DNAH12: variants seen among roughly 807,000 people sequenced by gnomAD.
The protein encoded by DNAH12 is axonemal beta dynein heavy chain 12.
In DNAH12, 285 loss-of-function variants were observed where a neutral mutation model predicts 371.5. The observed-to-expected ratio is 0.77, with a 90% CI of 0.70 to 0.85. The LOEUF is 0.85. Ranked by LOEUF, DNAH12 falls within the 40% of genes least tolerant of loss-of-function variation. The probability of loss-of-function intolerance (pLI) is 0.00; values close to 1 mark genes in which losing one functional copy is unlikely to be tolerated. For missense variants in DNAH12, 3,611 were observed against 3,689.4 expected (o/e 0.98, Z 0.55); for synonymous variants, 1,200 against 1,213.0 (o/e 0.99, Z 0.22).
At position 57,487,288 on chromosome 3, in the gene DNAH12, A is replaced by AAAGG. The variant is rs148766578; in HGVS notation, c.1514+2217_1514+2220dup. On this transcript the variant is annotated intron_variant, in intron 12 of 73. Coordinates refer to ENST00000495027, the MANE Select transcript of DNAH12 (RefSeq NM_001366028.2). ...TTGTCTCTAATAGAAAAGAAGGAAG[A>AAAGG]AAGGAAGGAAGGAAGGAAGGGAGAG... 5.4e-3 allele frequency among the ~76,000 whole-genome samples: 592 copies of AAAGG among 110,574 alleles called. 7 individuals are homozygous for AAAGG. The highest frequency in any genetic ancestry group is 7.2e-3 in the Non-Finnish European group (409 of 57,014). 72.5% of individuals were successfully genotyped at this position (110,574 alleles called of 152,430 possible).
At chr3:57,294,048 G>T in intron 73 of DNAH12, 77 bp from the exon 74 acceptor site, 1 of 1,239,528 alleles carries the variant, frequency 8.1e-7, no homozygotes, top group African/African-American at 1.5e-5. Flanking sequence ...TATTTATCTT[G>T]TAATAAAATG....
intron 65 of DNAH12, among the ~76,000 whole-genome samples, chr3:57,315,915 A>G (rs959370425): frequency 6.6e-6 from 1 of 152,170 alleles, no homozygotes; most frequent in Non-Finnish European, 1.5e-5. Context: ...AGAAAGATGC[A>G]TACTTGAGAT....
the DNAH12 span, among the ~76,000 whole-genome samples, chr3:57,555,920 G>A: frequency 6.6e-6 from 1 of 152,220 alleles, no homozygotes; most frequent in African/African-American, 2.4e-5. Flanking sequence ...CGCAATCCGG[G>A]TGGAGGCCTC....
chr3:57,526,320 G>A (rs988338053), intron 2 of DNAH12, among the ~76,000 whole-genome samples: 1 of 152,018 alleles, frequency 6.6e-6, no homozygotes, highest in African/African-American at 2.4e-5. Context: ...GCAAATGATA[G>A]GTTCTCATTC....
chr3:57,303,966 G>GGTCCATGCCTT (rs550466135), intron 69 of DNAH12, among the ~76,000 whole-genome samples: 2 of 152,058 alleles, frequency 1.3e-5, no homozygotes, highest in African/African-American at 4.8e-5. Context: ...GAAAATGGCT[G>GGTCCATGCCTT]GTCCATGCCT....
At chr3:57,504,943 A>G (rs892513078) in intron 8 of DNAH12, among the ~76,000 whole-genome samples, 7 of 149,478 alleles carry the variant, frequency 4.7e-5, no homozygotes, top group Non-Finnish European at 1.0e-4. Context: ...GTTGGAGTGC[A>G]GTGGCAAGAC....
chr3:57,455,116 A>T (rs1002141076), intron 22 of DNAH12, among the ~76,000 whole-genome samples: 1 of 152,044 alleles, frequency 6.6e-6, no homozygotes, highest in Admixed American at 6.6e-5. Flanking sequence ...AAACACCAAC[A>T]TGTTAATAAT....
chr3:57,495,766 AT>A (rs1441366224), intron 11 of DNAH12, among the ~76,000 whole-genome samples: 1 of 143,516 alleles, frequency 7.0e-6, no homozygotes, highest in African/African-American at 2.6e-5. Context: ...TTTATATATT[AT>A]TTTATATATT....
intron 45 of DNAH12, among the ~76,000 whole-genome samples, chr3:57,387,532 C>G (rs2063520681): frequency 6.6e-6 from 1 of 152,124 alleles, no homozygotes; most frequent in East Asian, 1.9e-4. Flanking sequence ...CTAAATTTAT[C>G]ATGACAGTGG....
At chr3:57,430,054 C>T (rs530963896) in intron 32 of DNAH12, among the ~76,000 whole-genome samples, 1 of 152,108 alleles carries the variant, frequency 6.6e-6, no homozygotes, top group Middle Eastern at 3.4e-3. Context: ...AGTCCAAAAC[C>T]TATAAAATCC....
Position 57,418,746 on chromosome 3 carries a change from C to CA in DNAH12, c.5714+620dup, listed in dbSNP as rs555229139. Among the ~76,000 whole-genome samples the CA allele has an allele frequency of 4.1e-4, 62 of 151,576 alleles. No individual in the cohort carries two copies. In the South Asian group the frequency reaches 0.012, roughly 30 times the overall value. On this transcript the variant is annotated intron_variant, in intron 37 of 73. Coordinates refer to ENST00000495027, the MANE Select transcript of DNAH12 (RefSeq NM_001366028.2). ...ATGCATTCAGGAACAGCTTCTTTAT[C>CA]AAAAAAATGACATTTATGATTATAT... is the stretch of plus-strand genomic sequence containing the variant.
chr3:57,539,100 G>A (rs1018957235), intron 2 of DNAH12, among the ~76,000 whole-genome samples: 1 of 152,108 alleles, frequency 6.6e-6, no homozygotes, highest in Non-Finnish European at 1.5e-5. Context: ...ACCACCATAA[G>A]TTCTCATCTA....
chr3:57,537,066 C>T (rs1318178930), intron 2 of DNAH12, among the ~76,000 whole-genome samples: 1 of 132,092 alleles, frequency 7.6e-6, no homozygotes, highest in Non-Finnish European at 1.7e-5. Context: ...TGGTGGCGCA[C>T]ACCTGTAGTC....
chr3:57,458,800 T>C (rs1242844552), intron 20 of DNAH12, among the ~76,000 whole-genome samples: 1 of 152,184 alleles, frequency 6.6e-6, no homozygotes, highest in African/African-American at 2.4e-5. Flanking sequence ...GACAACAGAA[T>C]TGAGTAGCTG....
intron 58 of DNAH12, among the ~76,000 whole-genome samples, chr3:57,359,287 C>T (rs1018318309): frequency 7.9e-5 from 12 of 151,640 alleles, no homozygotes; most frequent in Non-Finnish European, 1.3e-4. Flanking sequence ...GGGCTGGGCA[C>T]GGTGGCTCAC....
Position 57,357,302 on chromosome 3 carries a change from T to C in DNAH12, c.9407A>G (p.Tyr3136Cys), listed in dbSNP as rs1207280588. The C allele has an allele frequency of 2.0e-5, 3 of 152,318 alleles. No homozygotes were observed. The highest frequency in any genetic ancestry group is 4.1e-4 in the South Asian group (2 of 4,828). 9.4% of individuals were successfully genotyped at this position (152,318 alleles called of 1,614,324 possible). The change falls in exon 59 of 74, where the codon TAT becomes TGT. Residue 3136 changes from tyrosine (Y) to cysteine (C), a missense_variant. Around this residue, in one of 3 missense-constraint regions of DNAH12, gnomAD observed 2,266 missense variants for 2,236.9 expected, o/e 1.01. Transcript: ENST00000495027. ...TGACGAGTGTTTGGCGATGGGTCTA[T>C]AGCCTTCTCGAGACTCTGCTATTTT... ...ELKIAESREG[Y>C]RPIAKHSSVL...
At chr3:57,485,254 A>G (rs2066884192) in intron 12 of DNAH12, among the ~76,000 whole-genome samples, 1 of 152,234 alleles carries the variant, frequency 6.6e-6, no homozygotes, top group African/African-American at 2.4e-5. Flanking sequence ...ACAGTTCACA[A>G]TTGCAAAGAT....
At chr3:57,399,563 C>T (rs1177114937) in intron 43 of DNAH12, among the ~76,000 whole-genome samples, 3 of 152,102 alleles carry the variant, frequency 2.0e-5, no homozygotes, top group Non-Finnish European at 2.9e-5. Flanking sequence ...AAAACAACCA[C>T]AAGAAAGGAT....
chr3:57,522,835 G>A (rs1011870005), intron 4 of DNAH12, among the ~76,000 whole-genome samples: 16 of 151,152 alleles, frequency 1.1e-4, no homozygotes, highest in African/African-American at 3.9e-4. Flanking sequence ...CATGCAGTCA[G>A]TGTCTTTTTT....
Sources: allele counts gnomAD v4.1 joint callset (sites outside exome capture counted in the v4.1 genomes callset), GRCh38; gene constraint gnomAD v4.1.1; regional missense constraint gnomAD v4.1.1; transcripts MANE v1.5; gene names NCBI Gene and HGNC (gene_info 2026-07-23, HGNC 2026-07-21).